Variants in TBX15 observed in about 807,000 individuals in gnomAD.
TBX15 encodes the protein T-box transcription factor 15.
In TBX15, 18 loss-of-function variants were observed where a neutral mutation model predicts 53.9. That is an observed-to-expected ratio of 0.33 (90% CI 0.23 to 0.49). The LOEUF (loss-of-function observed/expected upper bound fraction) is 0.49. Among genes scored for constraint, TBX15 ranks in the 20% least tolerant of loss-of-function variants. The probability of loss-of-function intolerance (pLI) is 0.98; values close to 1 mark genes in which losing one functional copy is unlikely to be tolerated. For missense variants in TBX15, 692 were observed against 749.5 expected, an observed-to-expected ratio of 0.92 and a Z score of 0.90; for synonymous variants, 295 against 278.0, an observed-to-expected ratio of 1.06 and a Z score of -0.61.
intron 1 of TBX15, among the ~76,000 whole-genome samples, chr1:118,959,367 G>A (rs1656792150): frequency 6.6e-6 from 1 of 152,202 alleles, no homozygotes; most frequent in Non-Finnish European, 1.5e-5. Context: ...GCTGTGTTCT[G>A]CCAGGTGTTC....
chr1:118,903,946 G>A (rs1654724271), intron 6 of TBX15, among the ~76,000 whole-genome samples: 1 of 152,078 alleles, frequency 6.6e-6, no homozygotes, highest in Non-Finnish European at 1.5e-5. Context: ...TCCACAAAAG[G>A]CCAGTTATTT....
chr1:118,987,694 G>C lies in TBX15; in HGVS notation c.102C>G (p.Asp34Glu), dbSNP rs1657888394. 1 of 1,550,432 alleles carries C rather than the reference G, an allele frequency of 6.4e-7. No homozygotes were observed. The highest frequency in any genetic ancestry group is 8.7e-7 in the Non-Finnish European group (1 of 1,146,866). The change falls in exon 1 of 8, where the codon GAC (aspartate) becomes GAG (glutamate). Residue 34 changes from aspartate (D) to glutamate (E), a missense_variant. This residue lies in a region of TBX15 where 307 missense variants were observed against 347.5 expected (regional missense o/e 0.88). Transcript: ENST00000369429. ...ACAGGTCCAGCCCCTTCTCCTCCCA[G>C]TCTCGCAGTTTCCGTTTTTTATTTG... ...IGSNKKRKLR[D>E]WEEKGLDLSM... is the part of the protein sequence containing the mutation.
chr1:118,975,405 C>T (rs771429441), intron 1 of TBX15, among the ~76,000 whole-genome samples: 2 of 152,230 alleles, frequency 1.3e-5, no homozygotes, highest in Admixed American at 6.5e-5. Context: ...CACAATTTAA[C>T]AATTTCTGTT....
chr1:118,951,743 A>G (rs1425836946), intron 1 of TBX15, among the ~76,000 whole-genome samples: 1 of 152,152 alleles, frequency 6.6e-6, no homozygotes, highest in Non-Finnish European at 1.5e-5. Flanking sequence ...TTTGCACCAC[A>G]CACTCAAAAG....
chr1:118,899,140 G>T lies in TBX15; in HGVS notation c.927-15C>A, dbSNP rs1234049674. The T allele has an allele frequency of 6.2e-7, 1 of 1,609,956 alleles. No homozygotes were observed. The highest frequency in any genetic ancestry group is 8.5e-7 in the Non-Finnish European group (1 of 1,176,720). Reference sequence around the variant, plus strand: ...CAAGTCCAGTTCTGACAAGAGAAAAGCCAGCAAAGGAAGTCATAAATAATT... The same window carrying T: ...CAAGTCCAGTTCTGACAAGAGAAAATCCAGCAAAGGAAGTCATAAATAATT... On this transcript the variant is annotated splice_polypyrimidine_tract_variant and intron_variant, in intron 6 of 7. Transcript: ENST00000369429.
In TBX15 at chr1:118,906,729, A is replaced by C. The variant is rs1001873104; in HGVS notation, c.926+7386T>G. ...GCAAATATATCCATTCCCGTAATGC[A>C]GTGAGTGGCACCAGTCTTAGATCAG... On this transcript the variant is annotated intron_variant, in intron 6 of 7. Transcript: ENST00000369429. Among the ~76,000 whole-genome samples the C allele has an allele frequency of 5.3e-5, 8 of 152,190 alleles. 1 individual carries two copies. Among genetic ancestry groups the C allele is most frequent in the East Asian group, 1.9e-4 (1 of 5,182 alleles).
intron 6 of TBX15, among the ~76,000 whole-genome samples, chr1:118,905,440 G>A (rs551874825): frequency 1.1e-4 from 16 of 152,294 alleles, no homozygotes; most frequent in South Asian, 6.2e-4. Flanking sequence ...AAGGGAGGGC[G>A]AACAAATAAG....
intron 5 of TBX15, among the ~76,000 whole-genome samples, chr1:118,914,410 T>C (rs977548868): frequency 6.6e-6 from 1 of 152,150 alleles, no homozygotes; most frequent in African/African-American, 2.4e-5. Flanking sequence ...AGTATGTGAC[T>C]CTAAAAACTC....
intron 6 of TBX15, among the ~76,000 whole-genome samples, chr1:118,911,620 C>T (rs1263943747): frequency 3.3e-5 from 5 of 152,166 alleles, no homozygotes; most frequent in African/African-American, 4.8e-5. Flanking sequence ...GGCTCTAATT[C>T]CTACAACATA....
rs996548090 is a variant in TBX15, at chr1:118,885,225, A to T, written c.1316T>A (p.Met439Lys). Reference sequence around the variant, plus strand: ...GATCAGGGATGGAGTCCTCTGAGGCATGAAGGTTTCAGAGGGCTGAGTGGC... The same window carrying T: ...GATCAGGGATGGAGTCCTCTGAGGCTTGAAGGTTTCAGAGGGCTGAGTGGC... ...TSATQPSETF[M>K]PQRTPSLISG... The change falls in exon 8 of 8, where the codon ATG becomes AAG. Residue 439 changes from methionine (M) to lysine (K), a missense_variant. By Grantham distance (95) the Met-to-Lys change is moderately conservative (BLOSUM62 -1). Around this residue, in one of 3 missense-constraint regions of TBX15, gnomAD observed 375 missense variants for 371.6 expected, o/e 1.01. Transcript: ENST00000369429. The T allele has an allele frequency of 1.9e-6, 3 of 1,614,160 alleles. No individual in the cohort carries two copies. In the South Asian group the frequency reaches 3.3e-5, roughly 18 times the overall value.
intron 6 of TBX15, among the ~76,000 whole-genome samples, chr1:118,906,276 G>A (rs1557878280): frequency 6.6e-6 from 1 of 152,254 alleles, no homozygotes; most frequent in East Asian, 1.9e-4. Context: ...TAAGATTTGA[G>A]TTACTTGGTT....
intron 6 of TBX15, among the ~76,000 whole-genome samples, chr1:118,900,228 G>A (rs1165860821): frequency 6.6e-6 from 1 of 152,174 alleles, no homozygotes; most frequent in Non-Finnish European, 1.5e-5. Flanking sequence ...TCATTGCAAG[G>A]TCACTGGAAG....
At chr1:118,944,094 AC>A (rs1313904952) in intron 1 of TBX15, among the ~76,000 whole-genome samples, 10 of 152,188 alleles carry the variant, frequency 6.6e-5, no homozygotes, top group Non-Finnish European at 1.2e-4. Flanking sequence ...TTACAACTCA[AC>A]AAACCCAGAT....
At chr1:118,981,470 A>G (rs1021176804) in intron 1 of TBX15, among the ~76,000 whole-genome samples, 3 of 152,242 alleles carry the variant, frequency 2.0e-5, no homozygotes, top group Admixed American at 6.5e-5. Context: ...ATTTGTGAAC[A>G]TATGTTTTAT....
Position 118,967,131 on chromosome 1 carries a change from C to T in TBX15, c.205+20460G>A, listed in dbSNP as rs182689025. On this transcript the variant is annotated intron_variant, in intron 1 of 7. Transcript: ENST00000369429. ...ATCTAGTGAAGAAGACAGACGTAAACAAATAATTGTACTCCAATACCATCA... is the reference window on the plus strand; with the variant it reads ...ATCTAGTGAAGAAGACAGACGTAAATAAATAATTGTACTCCAATACCATCA... Among the ~76,000 whole-genome samples, 51 of 152,200 alleles carry T rather than the reference C, an allele frequency of 3.4e-4. 1 individual carries two copies. The highest frequency in any genetic ancestry group is 1.0e-3 in the African/African-American group (43 of 41,534).
In TBX15 at chr1:118,891,298, G is replaced by A. The variant is rs575176008; in HGVS notation, c.1025-5782C>T. 7.9e-5 allele frequency among the ~76,000 whole-genome samples: 12 copies of A among 152,208 alleles called. No homozygotes were observed. The South Asian group carries it at 1.0e-3, about 13-fold the overall frequency. On this transcript the variant is annotated intron_variant, in intron 7 of 7. Coordinates refer to ENST00000369429, the MANE Select transcript of TBX15 (RefSeq NM_001330677.2). ...GGTACTCTGTGCTCTGAGTGTCTCC[G>A]CTTCTTAGATGGTCCTATTTTGTAT... is the stretch of plus-strand genomic sequence containing the variant.
chr1:118,899,442 A>G (rs1397306287), intron 6 of TBX15, among the ~76,000 whole-genome samples: 1 of 152,204 alleles, frequency 6.6e-6, no homozygotes. Flanking sequence ...GGCCACTAAT[A>G]TCATGAGTAC....
At chr1:118,910,491 G>T (rs925450202) in intron 6 of TBX15, among the ~76,000 whole-genome samples, 4 of 152,218 alleles carry the variant, frequency 2.6e-5, no homozygotes, top group African/African-American at 4.8e-5. Context: ...ACTGGGTCCT[G>T]ATTCTGGCAC....
At chr1:118,969,790 T>C (rs1331926073) in intron 1 of TBX15, among the ~76,000 whole-genome samples, 1 of 152,246 alleles carries the variant, frequency 6.6e-6, no homozygotes, top group Non-Finnish European at 1.5e-5. Flanking sequence ...ATTCTGATCA[T>C]TTACATATTA....
Sources: allele counts gnomAD v4.1 joint callset (sites outside exome capture counted in the v4.1 genomes callset), GRCh38; gene constraint gnomAD v4.1.1; regional missense constraint gnomAD v4.1.1; transcripts MANE v1.5; gene names NCBI Gene and HGNC (gene_info 2026-07-23, HGNC 2026-07-21).